The following REEP3 variants were observed in gnomAD, a reference collection of about 807,000 sequenced individuals.
REEP3 encodes the protein receptor expression-enhancing protein 3.
A neutral mutation model predicts 41.3 loss-of-function variants in REEP3; 20 were observed. The ratio of observed to expected loss-of-function variants is 0.48; its 90% CI spans 0.34 to 0.70. REEP3 has a LOEUF of 0.70. Among genes scored for constraint, REEP3 ranks in the 30% least tolerant of loss-of-function variants. REEP3 has a pLI of 0.01. For missense variants in REEP3, 271 were observed against 308.8 expected (o/e 0.88, Z 0.92); for synonymous variants, 104 against 101.8 (o/e 1.02, Z -0.13).
intron 6 of REEP3, among the ~76,000 whole-genome samples, chr10:63,615,296 T>C (rs1956303692): frequency 6.6e-6 from 1 of 152,136 alleles, no homozygotes. Context: ...AAAAATAAGG[T>C]ATTCATTTTC....
At chr10:63,566,478 A>G in intron 2 of REEP3, 68 bp downstream of exon 2, 2 of 885,088 alleles carry the variant, frequency 2.3e-6, no homozygotes, top group Non-Finnish European at 3.6e-6. Context: ...AAAAACTGCT[A>G]TTCTCTTAGA....
At chr10:63,616,385 T>C (rs1956312706) in intron 6 of REEP3, among the ~76,000 whole-genome samples, 1 of 152,198 alleles carries the variant, frequency 6.6e-6, no homozygotes, top group African/African-American at 2.4e-5. Flanking sequence ...CTCTAAATTT[T>C]TTGAGGGTAG....
chr10:63,612,036 T>C (rs780157670), intron 6 of REEP3, among the ~76,000 whole-genome samples: 1 of 152,274 alleles, frequency 6.6e-6, no homozygotes, highest in South Asian at 2.1e-4. Context: ...GAGGTAATGA[T>C]CAAGCATTGG....
Position 63,566,338 on chromosome 10 carries a change from G to T in REEP3, c.33G>T (p.Val11=). Residue 11 remains valine (V), a splice_region_variant and synonymous_variant, in exon 2 of 8, where the codon GTG becomes GTT. Transcript: ENST00000373758. The part of the protein sequence containing the change: MVSWMISRAV[V]LVFGMLYPAY... ...GTATTCTCATTTTTTTTACTTTTAG[G>T]CTGGTGTTTGGAATGCTTTATCCTG... The T allele has an allele frequency of 6.5e-7, 1 of 1,537,324 alleles. No individual in the cohort carries two copies. Among genetic ancestry groups the T allele is most frequent in the Non-Finnish European group, 8.8e-7 (1 of 1,134,246 alleles).
At chr10:63,562,144 A>G (rs1239508267) in intron 1 of REEP3, among the ~76,000 whole-genome samples, 1 of 152,118 alleles carries the variant, frequency 6.6e-6, no homozygotes, top group Admixed American at 6.6e-5. Flanking sequence ...TGCTAAGTTA[A>G]ATTGAAAAGC....
At position 63,620,815 on chromosome 10, in the gene REEP3, G is replaced by A. The variant is rs2133440017; in HGVS notation, c.714G>A (p.Val238=). 1.3e-6 allele frequency: 2 copies of A among 1,599,234 alleles called. No individual in the cohort carries two copies. Among genetic ancestry groups the A allele is most frequent in the East Asian group, 2.2e-5 (1 of 44,616 alleles). Residue 238 remains valine, a splice_region_variant and synonymous_variant, in exon 8 of 8, where the codon GTG becomes GTA. Transcript: ENST00000373758. ...TAATAAAACATTTCTCTCTTCAGGT[G>A]CGGTACGGGTCACTAAAATACAAAG... ...SVKTTKGRKE[V]RYGSLKYKVK...
chr10:63,542,624 T>G (rs1955539023), intron 1 of REEP3, among the ~76,000 whole-genome samples: 2 of 152,202 alleles, frequency 1.3e-5, no homozygotes, highest in African/African-American at 4.8e-5. Flanking sequence ...AACAATCCAT[T>G]TGCATTACAG....
intron 1 of REEP3, among the ~76,000 whole-genome samples, chr10:63,539,874 A>G (rs1456747402): frequency 6.6e-6 from 1 of 152,154 alleles, no homozygotes; most frequent in Non-Finnish European, 1.5e-5. Context: ...GGGTTTGAAA[A>G]ACATTACACT....
chr10:63,586,292 G>A (rs561413146), intron 2 of REEP3, among the ~76,000 whole-genome samples: 2 of 152,288 alleles, frequency 1.3e-5, no homozygotes, highest in Non-Finnish European at 2.9e-5. Flanking sequence ...GCAAGTGCTG[G>A]CTTGTTAAGT....
chr10:63,619,905 G>A, intron 7 of REEP3, 105 bp downstream of exon 7: 1 of 433,080 alleles, frequency 2.3e-6, no homozygotes, highest in Non-Finnish European at 3.8e-6. Context: ...TGGAATGGTA[G>A]AACAGCAGTT....
chr10:63,567,274 C>CAT (rs1165902030), intron 2 of REEP3, among the ~76,000 whole-genome samples: 1 of 151,972 alleles, frequency 6.6e-6, no homozygotes, highest in Non-Finnish European at 1.5e-5. Context: ...CAATATTATA[C>CAT]ATATATATAA....
chr10:63,607,497 T>C (rs1404728797), intron 5 of REEP3, among the ~76,000 whole-genome samples: 1 of 152,168 alleles, frequency 6.6e-6, no homozygotes, highest in Non-Finnish European at 1.5e-5. Context: ...GTGTAGTCTA[T>C]CCATGGAGAA....
chr10:63,573,239 C>T (rs1955869197), intron 2 of REEP3, among the ~76,000 whole-genome samples: 2 of 152,292 alleles, frequency 1.3e-5, no homozygotes, highest in African/African-American at 2.4e-5. Context: ...TAAAACAGAG[C>T]TTTCCTAGGA....
At chr10:63,606,342 T>C (rs1442461821) in intron 5 of REEP3, among the ~76,000 whole-genome samples, 1 of 93,086 alleles carries the variant, frequency 1.1e-5, no homozygotes, top group Admixed American at 1.4e-4. Context: ...CTTTGTTTCT[T>C]TCTCTCTCTC....
At chr10:63,530,957 A>G (rs888329112) in intron 1 of REEP3, among the ~76,000 whole-genome samples, 1 of 152,262 alleles carries the variant, frequency 6.6e-6, no homozygotes, top group Non-Finnish European at 1.5e-5. Flanking sequence ...TGAGAGGTTA[A>G]AGATAAAAAT....
Position 63,622,013 on chromosome 10 carries a change from T to C in REEP3, c.*1144T>C, listed in dbSNP as rs1468056821. On this transcript the variant is annotated 3_prime_UTR_variant, in exon 8 of 8. Transcript: ENST00000373758. ...TTAGAAACATATTACTTTTTAACTT[T>C]AAATCTCAAAGAGATTTTGAGTTAT... The C allele has an allele frequency of 1.3e-5, 2 of 152,246 alleles. No homozygotes were observed. The highest frequency in any genetic ancestry group is 2.9e-5 in the Non-Finnish European group (2 of 68,032). 9.4% of individuals were successfully genotyped at this position (152,246 alleles called of 1,614,324 possible).
At position 63,563,171 on chromosome 10, in the gene REEP3, C is replaced by T. The variant is rs1357757854; in HGVS notation, c.33-3167C>T. 5.3e-5 allele frequency among the ~76,000 whole-genome samples: 8 copies of T among 152,188 alleles called. No individual in the cohort carries two copies. In the East Asian group the frequency reaches 1.5e-3, roughly 29 times the overall value. On this transcript the variant is annotated intron_variant, in intron 1 of 7. Coordinates refer to ENST00000373758, the MANE Select transcript of REEP3 (RefSeq NM_001001330.3). Reference sequence around the variant, plus strand: ...AAGCAAATTTCTGTAGTTGAAGCCACCCAGTCTGTGGTATTTTGTCAGGGT... The same window carrying T: ...AAGCAAATTTCTGTAGTTGAAGCCATCCAGTCTGTGGTATTTTGTCAGGGT...
intron 1 of REEP3, among the ~76,000 whole-genome samples, chr10:63,523,313 G>A (rs925521519): frequency 6.6e-6 from 1 of 152,140 alleles, no homozygotes. Flanking sequence ...ATCAGAAAAG[G>A]CAAGGGAGAT....
intron 2 of REEP3, among the ~76,000 whole-genome samples, chr10:63,594,058 C>A (rs1956089834): frequency 6.6e-6 from 1 of 151,902 alleles, no homozygotes; most frequent in Admixed American, 6.6e-5. Flanking sequence ...TAAATATAGT[C>A]TTATACTATA....
Sources: gnomAD v4.1 joint callset for allele counts (sites outside exome capture counted in the v4.1 genomes callset) on GRCh38, gnomAD v4.1.1 for gene constraint, MANE v1.5 for transcripts, NCBI Gene and HGNC (gene_info 2026-07-23, HGNC 2026-07-21) for gene names.